The following DNM3 variants were observed in gnomAD, a reference collection of about 807,000 sequenced individuals.
DNM3 encodes dynamin 3.
Under a neutral mutation model 101.6 loss-of-function variants are expected in DNM3, and 47 were observed. The observed-to-expected ratio is 0.46, with a 90% CI of 0.37 to 0.59. The LOEUF is 0.59. Among genes scored for constraint, DNM3 ranks in the 20% least tolerant of loss-of-function variants. DNM3 has a pLI of 0.00. For synonymous variants in DNM3, 385 were observed against 387.9 expected (o/e 0.99, Z 0.09); for missense variants, 849 against 1,085.7 (o/e 0.78, Z 3.06).
chr1:172,091,180 T>C (rs2053881471), intron 12 of DNM3, among the ~76,000 whole-genome samples: 1 of 152,196 alleles, frequency 6.6e-6, no homozygotes, highest in Admixed American at 6.5e-5. Context: ...GGGCTTTTCA[T>C]CGAACAGATA....
downstream of DNM3, among the ~76,000 whole-genome samples, chr1:172,416,445 T>C (rs1306614767): frequency 3.9e-5 from 6 of 151,942 alleles, no homozygotes; most frequent in Admixed American, 3.9e-4. Flanking sequence ...TACAGTAAAG[T>C]GAAGATGAAA....
chr1:172,032,982 C>A, intron 5 of DNM3, 123 bp from the exon 6 acceptor site: 1 of 1,164,954 alleles, frequency 8.6e-7, no homozygotes, highest in Non-Finnish European at 1.2e-6. Flanking sequence ...TATAAAGGAA[C>A]TCAGTCTTCA....
At chr1:172,183,112 G>T (rs2059404331) in intron 14 of DNM3, among the ~76,000 whole-genome samples, 1 of 152,088 alleles carries the variant, frequency 6.6e-6, no homozygotes, top group Non-Finnish European at 1.5e-5. Flanking sequence ...GGAAGTGATG[G>T]CCATAGAGAG....
At chr1:172,081,089 AC>A (rs1228141810) in intron 11 of DNM3, among the ~76,000 whole-genome samples, 1 of 149,856 alleles carries the variant, frequency 6.7e-6, no homozygotes, top group Non-Finnish European at 1.5e-5. Flanking sequence ...ACCAGCCACC[AC>A]CTATTATTAT....
At chr1:171,960,845 T>G (rs925264455) in intron 2 of DNM3, among the ~76,000 whole-genome samples, 2 of 151,984 alleles carry the variant, frequency 1.3e-5, no homozygotes, top group Admixed American at 1.3e-4. Flanking sequence ...GGTAGTTAGA[T>G]TGTAGGTAAG....
At chr1:172,311,951 CAA>C (rs1390837204) in intron 16 of DNM3, among the ~76,000 whole-genome samples, 1 of 152,148 alleles carries the variant, frequency 6.6e-6, no homozygotes, top group African/African-American at 2.4e-5. Flanking sequence ...TCATCATAAA[CAA>C]TATTTGCATT....
At chr1:172,289,863 T>G (rs1244123606) in intron 15 of DNM3, 1 of 978,584 alleles carries the variant, frequency 1.0e-6, no homozygotes, top group Non-Finnish European at 1.2e-6. Flanking sequence ...TATTTAACTT[T>G]TATCATAATT....
At chr1:172,220,873 G>C (rs1321670010) in intron 14 of DNM3, among the ~76,000 whole-genome samples, 1 of 152,036 alleles carries the variant, frequency 6.6e-6, no homozygotes, top group Non-Finnish European at 1.5e-5. Context: ...ATAAAGAATA[G>C]GCACATTAAA....
Position 172,106,847 on chromosome 1 carries a change from C to CTTTTTTTTT in DNM3, c.1545+13988_1545+13996dup, listed in dbSNP as rs1165611083. On this transcript the variant is annotated intron_variant, in intron 13 of 20. Transcript: ENST00000627582. ...TTATTCAATTTAAGGTAACATTATT[C>CTTTTTTTTT]TTTTTTTTTTTTTTTTTTTTTTTTG... is the stretch of plus-strand genomic sequence containing the variant. Among the ~76,000 whole-genome samples the CTTTTTTTTT allele has an allele frequency of 9.9e-3, 675 of 67,946 alleles. 117 individuals are homozygous for CTTTTTTTTT. The highest frequency in any genetic ancestry group is 0.014 in the East Asian group (27 of 1,906). 44.6% of individuals were successfully genotyped at this position (67,946 alleles called of 152,430 possible). A position where few individuals can be genotyped will look rare whatever the true frequency, so the allele number is the denominator to read the frequency against.
chr1:172,097,514 T>A lies in DNM3; in HGVS notation c.1545+4639T>A, dbSNP rs916583833. ...GACTCATGTACACTGGAGACATAAG[T>A]TTCACTGTTGTCAATAAATACATGG... On this transcript the variant is annotated intron_variant, in intron 13 of 20. Coordinates refer to ENST00000627582, the MANE Select transcript of DNM3 (RefSeq NM_015569.5). Among the ~76,000 whole-genome samples, 3 of 152,216 alleles carry A rather than the reference T, an allele frequency of 2.0e-5. No homozygotes were observed. In the South Asian group the frequency reaches 6.2e-4, roughly 32 times the overall value.
At chr1:172,312,147 T>A (rs748561179) in intron 16 of DNM3, among the ~76,000 whole-genome samples, 2 of 152,214 alleles carry the variant, frequency 1.3e-5, no homozygotes, top group Admixed American at 6.5e-5. Flanking sequence ...TAGAAAGACT[T>A]GATGAAGTCA....
At chr1:172,119,078 C>T (rs150330132) in intron 13 of DNM3, among the ~76,000 whole-genome samples, 3,906 of 151,890 alleles carry the variant, frequency 0.026, 117 homozygotes, top group East Asian at 0.13. Flanking sequence ...CCACAACCTC[C>T]GCCTCCCGGG....
intron 1 of DNM3, among the ~76,000 whole-genome samples, chr1:171,891,208 A>G (rs1373971835): frequency 6.6e-6 from 1 of 152,200 alleles, no homozygotes; most frequent in Non-Finnish European, 1.5e-5. Context: ...TTACGGCATT[A>G]GAGATGGGGC....
At chr1:172,124,484 TC>T (rs747652341) in intron 13 of DNM3, among the ~76,000 whole-genome samples, 1 of 152,204 alleles carries the variant, frequency 6.6e-6, no homozygotes, top group Non-Finnish European at 1.5e-5. Flanking sequence ...CTTTCCTTTT[TC>T]CTTTGCATTT....
At position 172,320,909 on chromosome 1, in the gene DNM3, C is replaced by G. The variant is rs141885649; in HGVS notation, c.1882-2420C>G. Among the ~76,000 whole-genome samples the G allele has an allele frequency of 3.3e-5, 5 of 152,294 alleles. No homozygotes were observed. The East Asian group carries it at 9.6e-4, about 29-fold the overall frequency. On this transcript the variant is annotated intron_variant, in intron 16 of 20. Coordinates refer to ENST00000627582, the MANE Select transcript of DNM3 (RefSeq NM_015569.5). ...GTGCAAATCCAGTTTTGCATATTTA[C>G]TAAGTCTGACACCTCAGAGTTTTTA...
intron 14 of DNM3, among the ~76,000 whole-genome samples, chr1:172,155,477 AT>A (rs949592927): frequency 3.3e-5 from 5 of 152,066 alleles, no homozygotes; most frequent in Admixed American, 2.6e-4. Context: ...GCTTGTTTGT[AT>A]TTTTGTTAGT....
chr1:171,904,763 G>A (rs2038671804), intron 1 of DNM3, among the ~76,000 whole-genome samples: 1 of 152,122 alleles, frequency 6.6e-6, no homozygotes, highest in South Asian at 2.1e-4. Context: ...ACTGAGCACT[G>A]AGACCATGAC....
chr1:172,294,911 CAAAAAA>C (rs57685535), intron 15 of DNM3, among the ~76,000 whole-genome samples: 2 of 87,006 alleles, frequency 2.3e-5, no homozygotes, highest in African/African-American at 8.1e-5. Flanking sequence ...GACTTTGTCT[CAAAAAA>C]AAAAAAAAAA....
intron 14 of DNM3, among the ~76,000 whole-genome samples, chr1:172,225,870 A>G (rs2061099051): frequency 6.6e-6 from 1 of 151,626 alleles, no homozygotes; most frequent in South Asian, 2.1e-4. Context: ...TATGAATTAT[A>G]TTATATACAT....
Sources: allele counts gnomAD v4.1 joint callset (sites outside exome capture counted in the v4.1 genomes callset), GRCh38; gene constraint gnomAD v4.1.1; transcripts MANE v1.5; gene names NCBI Gene and HGNC (gene_info 2026-07-23, HGNC 2026-07-21).